Variants in FAXC observed in about 807,000 individuals in gnomAD.
FAXC encodes the protein failed axon connections homolog, metaxin like GST domain containing.
A neutral mutation model predicts 41.9 loss-of-function variants in FAXC; 10 were observed. The ratio of observed to expected loss-of-function variants is 0.24; its 90% CI spans 0.15 to 0.41. The LOEUF (loss-of-function observed/expected upper bound fraction) is 0.41, where lower values mean the gene tolerates loss of function less well. FAXC is among the 10% of genes least tolerant of loss of function. The pLI, the probability that FAXC is intolerant of heterozygous loss-of-function variation, is 1.00. For missense variants in FAXC, 399 were observed against 510.9 expected, an observed-to-expected ratio of 0.78 and a Z score of 2.11; for synonymous variants, 183 against 183.8, an observed-to-expected ratio of 1.00 and a Z score of 0.03.
At position 99,277,756 on chromosome 6, in the gene FAXC, T is replaced by C. The variant is rs914628645; in HGVS notation, c.*3408A>G. On this transcript the variant is annotated 3_prime_UTR_variant, in exon 6 of 6. Transcript: ENST00000389677. ...CACAGTGGTATAATGGAAAGAACCA[T>C]CAAGGGCAAGGTGGTATAATAGAAA... The C allele has an allele frequency of 6.6e-6, 1 of 152,110 alleles. No individual in the cohort carries two copies. Among genetic ancestry groups the C allele is most frequent in the Non-Finnish European group, 1.5e-5 (1 of 68,024 alleles). 9.4% of individuals were successfully genotyped at this position (152,110 alleles called of 1,614,324 possible).
At chr6:99,315,402 T>G (rs1028477738) in intron 4 of FAXC, among the ~76,000 whole-genome samples, 6 of 152,096 alleles carry the variant, frequency 3.9e-5, no homozygotes. Flanking sequence ...TGCTGAGATT[T>G]TATAAATGTT....
At chr6:99,342,323 T>C (rs868686053) in intron 2 of FAXC, among the ~76,000 whole-genome samples, 1 of 151,548 alleles carries the variant, frequency 6.6e-6, no homozygotes, top group Non-Finnish European at 1.5e-5. Flanking sequence ...AGTAGGCCTG[T>C]CCAAACTATT....
intron 4 of FAXC, among the ~76,000 whole-genome samples, chr6:99,306,935 G>GTC (rs1188592781): frequency 2.0e-5 from 3 of 152,210 alleles, no homozygotes; most frequent in Non-Finnish European, 4.4e-5. Context: ...AGAGACTAAT[G>GTC]TCTCATCAAG....
At chr6:99,302,618 T>C (rs1771758324) in intron 4 of FAXC, among the ~76,000 whole-genome samples, 1 of 151,972 alleles carries the variant, frequency 6.6e-6, no homozygotes, top group East Asian at 1.9e-4. Context: ...ATCACACCAC[T>C]GCACTACAGC....
At chr6:99,307,932 TA>T (rs985165434) in intron 4 of FAXC, among the ~76,000 whole-genome samples, 6 of 150,336 alleles carry the variant, frequency 4.0e-5, no homozygotes, top group Non-Finnish European at 7.4e-5. Flanking sequence ...AAATGACATT[TA>T]AAAAAAAAAC....
At chr6:99,303,773 T>C (rs1582640746) in intron 4 of FAXC, among the ~76,000 whole-genome samples, 1 of 152,198 alleles carries the variant, frequency 6.6e-6, no homozygotes, top group Non-Finnish European at 1.5e-5. Context: ...AAATAACTTG[T>C]ATTAGAAGGT....
chr6:99,337,750 T>C (rs1430538236), intron 2 of FAXC, among the ~76,000 whole-genome samples: 1 of 152,190 alleles, frequency 6.6e-6, no homozygotes, highest in Non-Finnish European at 1.5e-5. Context: ...ATTCATATCT[T>C]GATAGAGAAA....
At chr6:99,324,201 A>AC (rs987139064) in intron 3 of FAXC, among the ~76,000 whole-genome samples, 4 of 151,636 alleles carry the variant, frequency 2.6e-5, no homozygotes, top group African/African-American at 7.3e-5. Flanking sequence ...AAGAGTTAAA[A>AC]AAAAAAAGAA....
At chr6:99,305,122 G>C (rs1156359359) in intron 4 of FAXC, among the ~76,000 whole-genome samples, 2 of 152,180 alleles carry the variant, frequency 1.3e-5, no homozygotes, top group African/African-American at 2.4e-5. Flanking sequence ...GGAGATGTGA[G>C]AATTCAGCTT....
At chr6:99,347,773 T>C (rs1022462044) in intron 1 of FAXC, among the ~76,000 whole-genome samples, 1 of 152,262 alleles carries the variant, frequency 6.6e-6, no homozygotes, top group African/African-American at 2.4e-5. Flanking sequence ...GTTTTAGTTC[T>C]TTAGGTAGCT....
chr6:99,300,235 T>C (rs1460267788), intron 4 of FAXC, among the ~76,000 whole-genome samples: 6 of 152,218 alleles, frequency 3.9e-5, no homozygotes, highest in South Asian at 2.1e-4. Context: ...TTTGGTCCTC[T>C]ATTAATGTGT....
At chr6:99,305,850 T>C (rs1771899795) in intron 4 of FAXC, among the ~76,000 whole-genome samples, 2 of 152,118 alleles carry the variant, frequency 1.3e-5, no homozygotes. Flanking sequence ...TAATCAATAT[T>C]ATTTTGACTA....
At chr6:99,318,710 A>G (rs960445573) in intron 4 of FAXC, among the ~76,000 whole-genome samples, 2 of 152,216 alleles carry the variant, frequency 1.3e-5, no homozygotes, top group Non-Finnish European at 2.9e-5. Context: ...TACAGAAAGC[A>G]TTTCATTTAG....
chr6:99,311,600 T>C (rs1232879281), intron 4 of FAXC, among the ~76,000 whole-genome samples: 1 of 152,002 alleles, frequency 6.6e-6, no homozygotes, highest in African/African-American at 2.4e-5. Flanking sequence ...AATACATACA[T>C]ACATACATAA....
In FAXC at chr6:99,274,366, A is replaced by G. The variant is rs1582599009; in HGVS notation, c.*6798T>C. 1.3e-5 allele frequency: 2 copies of G among 152,170 alleles called. No homozygotes were observed. The highest frequency in any genetic ancestry group is 4.2e-4 in the South Asian group (2 of 4,810). 9.4% of individuals were successfully genotyped at this position (152,170 alleles called of 1,614,324 possible). Reference sequence around the variant, plus strand: ...ATTTTAGCAAGATGGCACCACCTAGAAAACTTTCAATTGCCTGATACATCT... The same window carrying G: ...ATTTTAGCAAGATGGCACCACCTAGGAAACTTTCAATTGCCTGATACATCT... On this transcript the variant is annotated 3_prime_UTR_variant, in exon 6 of 6. Coordinates refer to ENST00000389677, the MANE Select transcript of FAXC (RefSeq NM_032511.4).
rs1303763421 is a variant in FAXC, at chr6:99,272,096, G to C, written c.*9068C>G. On this transcript the variant is annotated 3_prime_UTR_variant, in exon 6 of 6. Transcript: ENST00000389677. Reference sequence around the variant, plus strand: ...AAACGTCTTTCTTCATCTGTAATTTGGGAACAATAATTACTTTATTGAAGA... The same window carrying C: ...AAACGTCTTTCTTCATCTGTAATTTCGGAACAATAATTACTTTATTGAAGA... 1 of 151,430 alleles carries C rather than the reference G, an allele frequency of 6.6e-6. No individual in the cohort carries two copies. Among genetic ancestry groups the C allele is most frequent in the Non-Finnish European group, 1.5e-5 (1 of 67,942 alleles). The allele number at this position is 151,430 out of a possible 1,614,324, so 9.4% of individuals were successfully genotyped here.
intron 3 of FAXC, among the ~76,000 whole-genome samples, chr6:99,324,043 G>GCTACT (rs1336356725): frequency 5.3e-5 from 8 of 152,132 alleles, no homozygotes; most frequent in Non-Finnish European, 8.8e-5. Flanking sequence ...GGGGGCACAG[G>GCTACT]GCAGGAGGCA....
At chr6:99,328,107 A>T (rs78090674) in intron 3 of FAXC, among the ~76,000 whole-genome samples, 1 of 152,078 alleles carries the variant, frequency 6.6e-6, no homozygotes, top group East Asian at 1.9e-4. Flanking sequence ...TAACCCCTCT[A>T]TGACCTGGCC....
At chr6:99,311,232 C>G (rs1027007498) in intron 4 of FAXC, among the ~76,000 whole-genome samples, 4 of 152,180 alleles carry the variant, frequency 2.6e-5, no homozygotes, top group African/African-American at 9.7e-5. Context: ...TGGCCTCTGC[C>G]TTGTTTCATG....
Sources: allele counts gnomAD v4.1 joint callset (sites outside exome capture counted in the v4.1 genomes callset), GRCh38; gene constraint gnomAD v4.1.1; transcripts MANE v1.5; gene names NCBI Gene and HGNC (gene_info 2026-07-23, HGNC 2026-07-21).